Variants in CCDC50 observed in about 807,000 individuals in gnomAD.
CCDC50 encodes coiled-coil domain containing 50.
A neutral mutation model predicts 70.2 loss-of-function variants in CCDC50; 54 were observed. The observed-to-expected ratio is 0.77, with a 90% CI of 0.62 to 0.96. The LOEUF (loss-of-function observed/expected upper bound fraction) is 0.96. Ranked by LOEUF, CCDC50 falls within the 50% of genes least tolerant of loss-of-function variation. The pLI is 0.00. For synonymous variants in CCDC50, 216 were observed against 198.8 expected (o/e 1.09, Z -0.73); for missense variants, 558 against 578.7 (o/e 0.96, Z 0.37).
chr3:191,370,061 A>G (rs764536911), intron 5 of CCDC50, 25 bp downstream of exon 5: 8 of 1,463,404 alleles, frequency 5.5e-6, no homozygotes, highest in South Asian at 4.5e-5. Context: ...ATCATGATCT[A>G]TTCTATCCTT....
intron 9 of CCDC50, among the ~76,000 whole-genome samples, chr3:191,382,339 A>G (rs1713347332): frequency 6.6e-6 from 1 of 152,164 alleles, no homozygotes; most frequent in Non-Finnish European, 1.5e-5. Flanking sequence ...AATAAGTTTG[A>G]GTGCACAAAC....
chr3:191,329,585 C>A lies in CCDC50; in HGVS notation c.-90C>A, dbSNP rs1030080788. ...CTGCCGGCCGGACTTTGCGCCGCGT[C>A]CGGCGCTGCTGCTGCGCTCGGGGCC... On this transcript the variant is annotated 5_prime_UTR_variant, in exon 1 of 12. Coordinates refer to ENST00000392455, the MANE Select transcript of CCDC50 (RefSeq NM_178335.3). 2.9e-6 allele frequency: 4 copies of A among 1,388,630 alleles called. No homozygotes were observed. Among genetic ancestry groups the A allele is most frequent in the African/African-American group, 1.5e-5 (1 of 66,780 alleles). The allele number at this position is 1,388,630 out of a possible 1,614,324, so 86.0% of individuals were successfully genotyped here.
chr3:191,366,806 T>C (rs1165556673), intron 4 of CCDC50, among the ~76,000 whole-genome samples: 1 of 152,034 alleles, frequency 6.6e-6, no homozygotes, highest in Non-Finnish European at 1.5e-5. Flanking sequence ...AGGAAGAGGC[T>C]TGGGAAGTGC....
chr3:191,377,113 A>G (rs1477990911), intron 6 of CCDC50, among the ~76,000 whole-genome samples: 2 of 152,176 alleles, frequency 1.3e-5, no homozygotes, highest in African/African-American at 4.8e-5. Context: ...CCAGGCGGAT[A>G]TTAAAACGAC....
chr3:191,381,806 C>T (rs1713330987), intron 9 of CCDC50, among the ~76,000 whole-genome samples: 1 of 152,042 alleles, frequency 6.6e-6, no homozygotes, highest in South Asian at 2.1e-4. Flanking sequence ...TGGTGTTTAG[C>T]GCTGGTCTCT....
intron 4 of CCDC50, among the ~76,000 whole-genome samples, chr3:191,369,318 T>C (rs1247522785): frequency 6.6e-6 from 1 of 152,174 alleles, no homozygotes; most frequent in Non-Finnish European, 1.5e-5. Context: ...TATGAAACTT[T>C]TGTGTTCATA....
intron 1 of CCDC50, among the ~76,000 whole-genome samples, chr3:191,355,840 CT>C (rs1360358257): frequency 6.6e-6 from 1 of 152,116 alleles, no homozygotes; most frequent in African/African-American, 2.4e-5. Flanking sequence ...AGAATTATTC[CT>C]CCATTATAAA....
At position 191,369,233 on chromosome 3, in the gene CCDC50, G is replaced by T. The variant is rs190554786; in HGVS notation, c.331-686G>T. 1.4e-3 allele frequency among the ~76,000 whole-genome samples: 206 copies of T among 151,624 alleles called. 1 individual carries two copies. The highest frequency in any genetic ancestry group is 4.8e-3 in the African/African-American group (198 of 41,336). On this transcript the variant is annotated intron_variant, in intron 4 of 11. Transcript: ENST00000392455. ...AAGCAAAAATAGTATTCCCTCTTTTGTACTCCCGTGGAAATTTTTTTGAGG... is the reference window on the plus strand; with the variant it reads ...AAGCAAAAATAGTATTCCCTCTTTTTTACTCCCGTGGAAATTTTTTTGAGG...
chr3:191,357,008 A>T, intron 1 of CCDC50, 80 bp from the exon 2 acceptor site: 1 of 239,542 alleles, frequency 4.2e-6, no homozygotes. Context: ...TTTTTAAAGT[A>T]AAAAAAAAAA....
In CCDC50 at chr3:191,333,796, G is replaced by A. The variant is rs547691297; in HGVS notation, c.49+4073G>A. ...TTTTCAGAGTATAAGCTTTTAAAAG[G>A]CAGAGATAATACCTTTTAAACTGTG... On this transcript the variant is annotated intron_variant, in intron 1 of 11. Coordinates refer to ENST00000392455, the MANE Select transcript of CCDC50 (RefSeq NM_178335.3). Among the ~76,000 whole-genome samples the A allele has an allele frequency of 9.2e-5, 14 of 152,112 alleles. No homozygotes were observed. In the East Asian group the frequency reaches 2.7e-3, roughly 29 times the overall value.
At position 191,341,230 on chromosome 3, in the gene CCDC50, A is replaced by T. The variant is rs1294491210; in HGVS notation, c.49+11507A>T. Reference sequence around the variant, plus strand: ...AGCAATACCTAATAGAAAATAACTAATTATAAGAATTTATTAACTTTAATG... The same window carrying T: ...AGCAATACCTAATAGAAAATAACTATTTATAAGAATTTATTAACTTTAATG... On this transcript the variant is annotated intron_variant, in intron 1 of 11. Transcript: ENST00000392455. Among the ~76,000 whole-genome samples the T allele has an allele frequency of 1.3e-5, 2 of 152,200 alleles. 1 individual carries two copies. Among genetic ancestry groups the T allele is most frequent in the African/African-American group, 4.8e-5 (2 of 41,442 alleles).
intron 1 of CCDC50, 121 bp downstream of exon 1, chr3:191,329,844 G>A (rs956480453): frequency 1.4e-4 from 132 of 971,200 alleles, no homozygotes; most frequent in Non-Finnish European, 8.5e-5. Flanking sequence ...CCCTGCGTTG[G>A]CCTTGCCCGG....
chr3:191,380,346 AATTAT>A lies in CCDC50; in HGVS notation c.1092+77_1092+81del, dbSNP rs992074122. ...TTTTTGTGAATCTAGTCCATCTTGA[AATTAT>A]ATTAATAGTCCTCTATCAATTGAGA... On this transcript the variant is annotated intron_variant, in intron 7 of 11. Transcript: ENST00000392455. 1.8e-3 allele frequency: 1,609 copies of A among 911,360 alleles called. 10 individuals are homozygous for A. The highest frequency in any genetic ancestry group is 4.4e-3 in the Middle Eastern group (21 of 4,722). 56.5% of individuals were successfully genotyped at this position (911,360 alleles called of 1,614,324 possible). A position where few individuals can be genotyped will look rare whatever the true frequency, so the allele number is the denominator to read the frequency against.
At chr3:191,366,480 G>GT (rs1209483553) in intron 4 of CCDC50, among the ~76,000 whole-genome samples, 1 of 151,960 alleles carries the variant, frequency 6.6e-6, no homozygotes, top group African/African-American at 2.4e-5. Context: ...GAACAGGTTT[G>GT]TTTTTACATA....
intron 4 of CCDC50, among the ~76,000 whole-genome samples, chr3:191,363,688 A>G (rs1242694623): frequency 6.6e-6 from 1 of 152,240 alleles, no homozygotes; most frequent in Non-Finnish European, 1.5e-5. Context: ...GTGTCATTAC[A>G]GGTCTCCCAC....
rs3884261 is a variant in CCDC50 at position 191,388,140 on chromosome 3, T to TTA, written c.1323-1341_1323-1340dup. On this transcript the variant is annotated intron_variant, in intron 10 of 11. Coordinates refer to ENST00000392455, the MANE Select transcript of CCDC50 (RefSeq NM_178335.3). ...ATTATTCACTATGTTTCCATTACTT[T>TTA]TATATATATATATATAAAACAGATG... Among the ~76,000 whole-genome samples, 667 of 150,974 alleles carry TTA rather than the reference T, an allele frequency of 4.4e-3. 5 individuals are homozygous for TTA. The highest frequency in any genetic ancestry group is 0.011 in the African/African-American group (461 of 41,216).
At chr3:191,378,073 G>C (rs1159835838) in intron 6 of CCDC50, among the ~76,000 whole-genome samples, 3 of 152,130 alleles carry the variant, frequency 2.0e-5, no homozygotes, top group Non-Finnish European at 4.4e-5. Context: ...AGAGGACACT[G>C]CAGAGAATGG....
At chr3:191,332,468 T>C (rs1247342227) in intron 1 of CCDC50, among the ~76,000 whole-genome samples, 1 of 152,228 alleles carries the variant, frequency 6.6e-6, no homozygotes, top group African/African-American at 2.4e-5. Context: ...ATACTTTTTG[T>C]AATGGAAAAC....
intron 10 of CCDC50, among the ~76,000 whole-genome samples, chr3:191,388,360 C>T (rs920688548): frequency 6.6e-6 from 1 of 152,034 alleles, no homozygotes; most frequent in African/African-American, 2.4e-5. Flanking sequence ...GAGTTTGAGC[C>T]CTGGGTCTGC....
Sources: allele counts gnomAD v4.1 joint callset (sites outside exome capture counted in the v4.1 genomes callset), GRCh38; gene constraint gnomAD v4.1.1; transcripts MANE v1.5; gene names NCBI Gene and HGNC (gene_info 2026-07-23, HGNC 2026-07-21).